ADCY2: variants seen among roughly 807,000 people sequenced by gnomAD.
ADCY2 encodes the protein adenylate cyclase type 2.
Under a neutral mutation model 125.2 loss-of-function variants are expected in ADCY2, and 31 were observed. That is an observed-to-expected ratio of 0.25 (90% CI 0.19 to 0.33). The LOEUF (loss-of-function observed/expected upper bound fraction) is 0.33. ADCY2 is among the 10% of genes least tolerant of loss of function. The pLI is 1.00. For missense variants in ADCY2, 904 were observed against 1,418.2 expected (o/e 0.64, Z 5.82); for synonymous variants, 512 against 548.4 (o/e 0.93, Z 0.93).
chr5:7,729,870 CAT>C (rs1356022870), intron 14 of ADCY2, among the ~76,000 whole-genome samples: 3 of 149,074 alleles, frequency 2.0e-5, no homozygotes, highest in Non-Finnish European at 4.4e-5. Context: ...TATATATTTA[CAT>C]GTTTTTAATG....
At chr5:7,602,872 A>G (rs1737263797) in intron 3 of ADCY2, among the ~76,000 whole-genome samples, 1 of 152,196 alleles carries the variant, frequency 6.6e-6, no homozygotes, top group East Asian at 1.9e-4. Flanking sequence ...TCCAATAAAC[A>G]GAAAACCAGA....
At chr5:7,610,677 A>ATGAT (rs1737547000) in intron 3 of ADCY2, among the ~76,000 whole-genome samples, 1 of 152,156 alleles carries the variant, frequency 6.6e-6, no homozygotes, top group African/African-American at 2.4e-5. Context: ...GCTGTTGGGA[A>ATGAT]TGATTCAAAG....
At chr5:7,428,402 T>C (rs961003922) in intron 2 of ADCY2, among the ~76,000 whole-genome samples, 1 of 152,226 alleles carries the variant, frequency 6.6e-6, no homozygotes, top group Non-Finnish European at 1.5e-5. Flanking sequence ...TTTTTTCTGC[T>C]AAATAAATGG....
At chr5:7,525,858 C>T (rs1222923298) in intron 3 of ADCY2, among the ~76,000 whole-genome samples, 1 of 152,154 alleles carries the variant, frequency 6.6e-6, no homozygotes, top group Non-Finnish European at 1.5e-5. Flanking sequence ...TGTAACCAGC[C>T]TCCTGTTTCT....
At chr5:7,401,129 TAAGC>T in intron 1 of ADCY2, among the ~76,000 whole-genome samples, 1 of 152,222 alleles carries the variant, frequency 6.6e-6, no homozygotes, top group East Asian at 1.9e-4. Context: ...ACCTGCCTTG[TAAGC>T]TGATGTCCTC....
intron 4 of ADCY2, among the ~76,000 whole-genome samples, chr5:7,671,237 A>AT: frequency 6.6e-6 from 1 of 152,258 alleles, no homozygotes; most frequent in Admixed American, 6.5e-5. Flanking sequence ...TATTGTTAAA[A>AT]TTTTGCTTAA....
At chr5:7,670,178 A>G (rs975739250) in intron 4 of ADCY2, among the ~76,000 whole-genome samples, 1 of 152,180 alleles carries the variant, frequency 6.6e-6, no homozygotes, top group African/African-American at 2.4e-5. Flanking sequence ...GGACTATGAG[A>G]CCTGCAAACA....
intron 3 of ADCY2, among the ~76,000 whole-genome samples, chr5:7,617,520 T>C (rs1341241376): frequency 6.6e-6 from 1 of 152,206 alleles, no homozygotes; most frequent in African/African-American, 2.4e-5. Flanking sequence ...CTAATGCACA[T>C]ATTTAGCAAA....
intron 2 of ADCY2, among the ~76,000 whole-genome samples, chr5:7,437,064 GC>G (rs563399756): frequency 6.7e-4 from 102 of 152,286 alleles, no homozygotes; most frequent in African/African-American, 2.4e-3. Context: ...CAGCTGTGGG[GC>G]CCGTGCTTCC....
chr5:7,634,262 G>C (rs1738419342), intron 4 of ADCY2, among the ~76,000 whole-genome samples: 2 of 152,194 alleles, frequency 1.3e-5, no homozygotes, highest in African/African-American at 4.8e-5. Flanking sequence ...TGTGTTTACT[G>C]AACCGAGGTA....
chr5:7,634,398 C>T (rs188535978), intron 4 of ADCY2, among the ~76,000 whole-genome samples: 124 of 152,200 alleles, frequency 8.1e-4, no homozygotes, highest in Non-Finnish European at 1.7e-3. Flanking sequence ...TGAGTGCTGT[C>T]AAGATTTTAT....
chr5:7,633,645 G>C (rs62342988), intron 4 of ADCY2, among the ~76,000 whole-genome samples: 2,981 of 152,196 alleles, frequency 0.02, 43 homozygotes, highest in Non-Finnish European at 0.03. Flanking sequence ...AAGACCTCCT[G>C]CTCATGTCCA....
chr5:7,793,524 C>T (rs2388805), intron 20 of ADCY2: 120,651 of 151,976 alleles, frequency 0.79, 48,481 homozygotes, highest in African/African-American at 0.87. Context: ...GGTGTAAAGC[C>T]GAGTAGTGGG....
intron 3 of ADCY2, among the ~76,000 whole-genome samples, chr5:7,533,052 A>G (rs924943319): frequency 4.0e-5 from 6 of 149,426 alleles, no homozygotes; most frequent in Admixed American, 1.3e-4. Flanking sequence ...CATTTGATAT[A>G]TATACATTTG....
At chr5:7,626,733 C>T (rs1369271293) in intron 4 of ADCY2, among the ~76,000 whole-genome samples, 1 of 152,120 alleles carries the variant, frequency 6.6e-6, no homozygotes, top group Admixed American at 6.5e-5. Flanking sequence ...GAGTGAGAAA[C>T]TCCCTCAAAC....
chr5:7,688,358 C>T (rs973155593), intron 4 of ADCY2, among the ~76,000 whole-genome samples: 11 of 151,960 alleles, frequency 7.2e-5, no homozygotes, highest in Non-Finnish European at 1.3e-4. Context: ...ACCTCTGCCT[C>T]CCAGATTCAA....
intron 2 of ADCY2, among the ~76,000 whole-genome samples, chr5:7,423,597 C>T (rs1015991724): frequency 6.6e-6 from 1 of 152,136 alleles, no homozygotes; most frequent in Admixed American, 6.5e-5. Context: ...GATTGTGAGG[C>T]CTTTCCAGCC....
At chr5:7,600,712 G>T (rs951673856) in intron 3 of ADCY2, among the ~76,000 whole-genome samples, 1 of 152,166 alleles carries the variant, frequency 6.6e-6, no homozygotes. Context: ...TTCATGACTG[G>T]CTGGGCACAG....
chr5:7,628,515 G>A (rs926011939), intron 4 of ADCY2, among the ~76,000 whole-genome samples: 1 of 152,048 alleles, frequency 6.6e-6, no homozygotes, highest in South Asian at 2.1e-4. Context: ...AACCATCATG[G>A]GAGACATTAG....
Sources: gnomAD v4.1 joint callset for allele counts (sites outside exome capture counted in the v4.1 genomes callset) on GRCh38, gnomAD v4.1.1 for gene constraint, MANE v1.5 for transcripts, NCBI Gene and HGNC (gene_info 2026-07-23, HGNC 2026-07-21) for gene names.